TRPM3: variants seen among roughly 807,000 people sequenced by gnomAD.
TRPM3 encodes transient receptor potential cation channel subfamily M member 3, also known as long transient receptor potential channel 3.
In TRPM3, 77 loss-of-function variants were observed where a neutral mutation model predicts 181.2. The observed-to-expected ratio is 0.42, with a 90% CI of 0.35 to 0.51. The LOEUF (loss-of-function observed/expected upper bound fraction) is 0.51, where lower values mean the gene tolerates loss of function less well. TRPM3 is among the 20% of genes least tolerant of loss of function. The probability of loss-of-function intolerance (pLI) is 0.01; values close to 1 mark genes in which losing one functional copy is unlikely to be tolerated. For synonymous variants in TRPM3, 745 were observed against 796.4 expected, an observed-to-expected ratio of 0.94 and a Z score of 1.09; for missense variants, 1,759 against 2,196.7, an observed-to-expected ratio of 0.80 and a Z score of 3.98.
chr9:70,931,971 G>A (rs72729792), intron 1 of TRPM3, among the ~76,000 whole-genome samples: 1 of 152,224 alleles, frequency 6.6e-6, no homozygotes, highest in Non-Finnish European at 1.5e-5. Flanking sequence ...ATATATTCAC[G>A]AGTGTACTAA....
At chr9:70,764,699 T>C (rs1159797625) in intron 7 of TRPM3, among the ~76,000 whole-genome samples, 16 of 152,168 alleles carry the variant, frequency 1.1e-4, no homozygotes. Context: ...TTTTCCAAAG[T>C]GTGGGATACC....
At chr9:71,057,002 A>C (rs1320978652) in intron 1 of TRPM3, among the ~76,000 whole-genome samples, 1 of 152,072 alleles carries the variant, frequency 6.6e-6, no homozygotes, top group Non-Finnish European at 1.5e-5. Flanking sequence ...TTTGATGACA[A>C]GCATGGGTGC....
At chr9:70,673,949 CAAAA>C (rs5898160) in intron 9 of TRPM3, among the ~76,000 whole-genome samples, 1 of 89,644 alleles carries the variant, frequency 1.1e-5, no homozygotes, top group Non-Finnish European at 2.0e-5. Context: ...AACTCCATCT[CAAAA>C]AAAAAAAAAA....
chr9:70,913,961 T>C (rs972248167), intron 1 of TRPM3, among the ~76,000 whole-genome samples: 2 of 152,224 alleles, frequency 1.3e-5, no homozygotes, highest in African/African-American at 2.4e-5. Context: ...AATGAAGGTA[T>C]TGACCCCTTT....
chr9:70,543,706 A>G (rs1257053381), intron 25 of TRPM3, among the ~76,000 whole-genome samples: 2 of 152,212 alleles, frequency 1.3e-5, no homozygotes, highest in African/African-American at 4.8e-5. Flanking sequence ...CTTGGGAAAG[A>G]ATACTAGATT....
At chr9:70,979,182 T>C (rs1156343001) in intron 1 of TRPM3, among the ~76,000 whole-genome samples, 2 of 152,200 alleles carry the variant, frequency 1.3e-5, no homozygotes, top group Non-Finnish European at 2.9e-5. Flanking sequence ...TACCTTTTGA[T>C]TGGTTCTCCT....
intron 1 of TRPM3, among the ~76,000 whole-genome samples, chr9:71,188,303 T>G (rs1316468711): frequency 2.0e-5 from 3 of 151,892 alleles, no homozygotes; most frequent in Non-Finnish European, 2.9e-5. Context: ...ATCTTCATAT[T>G]TTCCAATGTG....
At chr9:71,036,916 A>G (rs1409251313) in intron 1 of TRPM3, among the ~76,000 whole-genome samples, 1 of 152,176 alleles carries the variant, frequency 6.6e-6, no homozygotes, top group African/African-American at 2.4e-5. Flanking sequence ...AAATTATGTG[A>G]TATTTTGGAC....
chr9:71,018,405 T>C, intron 1 of TRPM3, among the ~76,000 whole-genome samples: 1 of 151,424 alleles, frequency 6.6e-6, no homozygotes, highest in Non-Finnish European at 1.5e-5. Context: ...AAAAGACAAA[T>C]GAAACTGATA....
At chr9:70,843,446 C>T (rs994072120) in intron 4 of TRPM3, among the ~76,000 whole-genome samples, 1 of 152,030 alleles carries the variant, frequency 6.6e-6, no homozygotes, top group African/African-American at 2.4e-5. Context: ...TTCTTATAAG[C>T]ATAATAATTT....
intron 1 of TRPM3, among the ~76,000 whole-genome samples, chr9:71,107,752 A>G (rs533210035): frequency 2.0e-5 from 3 of 152,356 alleles, no homozygotes; most frequent in East Asian, 3.9e-4. Flanking sequence ...AAAAACTTCA[A>G]TGAAAGCAGG....
chr9:71,152,341 A>G (rs2134635135), intron 1 of TRPM3, among the ~76,000 whole-genome samples: 1 of 152,288 alleles, frequency 6.6e-6, no homozygotes, highest in African/African-American at 2.4e-5. Flanking sequence ...CTTGCTTCTG[A>G]GGACTTAAGG....
intron 1 of TRPM3, among the ~76,000 whole-genome samples, chr9:71,245,989 C>T (rs2082014875): frequency 6.6e-6 from 1 of 152,076 alleles, no homozygotes; most frequent in African/African-American, 2.4e-5. Flanking sequence ...TGAAGCAAAA[C>T]CCAGGGTCAT....
chr9:71,298,097 A>AG (rs1252222278), intron 1 of TRPM3, among the ~76,000 whole-genome samples: 2 of 148,788 alleles, frequency 1.3e-5, no homozygotes, highest in Non-Finnish European at 3.0e-5. Context: ...GCCACCAGAA[A>AG]AAAAAAAAAG....
intron 1 of TRPM3, among the ~76,000 whole-genome samples, chr9:71,413,776 A>C (rs985484399): frequency 2.0e-5 from 3 of 151,994 alleles, no homozygotes; most frequent in African/African-American, 4.8e-5. Flanking sequence ...GCCATTTTGG[A>C]AGCTGAGAGA....
At chr9:71,335,650 G>A (rs897574773) in intron 1 of TRPM3, among the ~76,000 whole-genome samples, 3 of 152,070 alleles carry the variant, frequency 2.0e-5, no homozygotes, top group African/African-American at 7.2e-5. Flanking sequence ...AATAAACTGA[G>A]TTATTTAAAA....
intron 12 of TRPM3, among the ~76,000 whole-genome samples, chr9:70,629,281 T>C (rs1014670950): frequency 1.6e-5 from 2 of 126,568 alleles, no homozygotes; most frequent in African/African-American, 2.8e-5. Context: ...CCGAAGCCAA[T>C]GAGAATTCCT....
chr9:70,911,458 A>C (rs2096537084), intron 1 of TRPM3, among the ~76,000 whole-genome samples: 1 of 152,204 alleles, frequency 6.6e-6, no homozygotes, highest in Non-Finnish European at 1.5e-5. Context: ...GATAACACCA[A>C]AATGAACCCT....
chr9:70,899,665 A>G (rs2096354114), intron 1 of TRPM3, among the ~76,000 whole-genome samples: 1 of 152,188 alleles, frequency 6.6e-6, no homozygotes, highest in African/African-American at 2.4e-5. Context: ...CCATTCACTC[A>G]TTTGTGCCCC....
Sources: allele counts gnomAD v4.1 joint callset (sites outside exome capture counted in the v4.1 genomes callset), GRCh38; gene constraint gnomAD v4.1.1; transcripts MANE v1.5; gene names NCBI Gene and HGNC (gene_info 2026-07-23, HGNC 2026-07-21).